Variants in TNPO3 observed in about 807,000 individuals in gnomAD.
The protein encoded by TNPO3 is transportin-3.
TNPO3 carries 65 observed loss-of-function variants against 122.8 expected under a neutral mutation model. The ratio of observed to expected loss-of-function variants is 0.53; its 90% CI spans 0.43 to 0.65. The LOEUF (loss-of-function observed/expected upper bound fraction) is 0.65, where lower values mean the gene tolerates loss of function less well. TNPO3 is among the 30% of genes least tolerant of loss of function. The probability of loss-of-function intolerance (pLI) is 0.00; values close to 1 mark genes in which losing one functional copy is unlikely to be tolerated. For missense variants in TNPO3, 850 were observed against 1,136.7 expected (o/e 0.75, Z 3.63); for synonymous variants, 372 against 411.2 (o/e 0.90, Z 1.15).
intron 1 of TNPO3, chr7:129,041,487 A>C: frequency 1.1e-6 from 1 of 945,702 alleles, no homozygotes; most frequent in Non-Finnish European, 1.3e-6. Context: ...AACAGCAGAA[A>C]AAAGGAAGGG....
intron 1 of TNPO3, among the ~76,000 whole-genome samples, chr7:129,028,196 C>T (rs4731540): frequency 0.64 from 96,777 of 151,980 alleles, 31,138 homozygotes; most frequent in Middle Eastern, 0.7. Flanking sequence ...AAGTTATACA[C>T]TTGTATTGTG....
intron 22 of TNPO3, 112 bp downstream of exon 22, chr7:128,957,112 T>G: frequency 2.2e-6 from 2 of 916,740 alleles, no homozygotes; most frequent in Non-Finnish European, 3.5e-6. Context: ...AGTCCTTCCC[T>G]GACTCTAGCT....
intron 1 of TNPO3, among the ~76,000 whole-genome samples, chr7:129,024,362 T>G (rs1177582910): frequency 6.6e-6 from 1 of 151,984 alleles, no homozygotes; most frequent in Non-Finnish European, 1.5e-5. Flanking sequence ...AACCACCAAA[T>G]GGATGAAAAC....
chr7:128,965,913 C>T (rs4731535), intron 21 of TNPO3, among the ~76,000 whole-genome samples: 73,762 of 151,816 alleles, frequency 0.49, 18,118 homozygotes, highest in African/African-American at 0.5. Context: ...AGTTAATTGC[C>T]AGGAGATGGG....
intron 1 of TNPO3, among the ~76,000 whole-genome samples, chr7:129,052,556 A>G (rs916865322): frequency 6.6e-6 from 1 of 152,242 alleles, no homozygotes; most frequent in South Asian, 2.1e-4. Flanking sequence ...AGATGATGTA[A>G]GGTTGTAATA....
At chr7:129,000,977 A>G (rs1801881390) in intron 6 of TNPO3, 82 bp downstream of exon 6, 1 of 1,456,292 alleles carries the variant, frequency 6.9e-7, no homozygotes, top group African/African-American at 1.4e-5. Flanking sequence ...ATCACAAATG[A>G]CAGACGAATA....
At position 128,955,229 on chromosome 7, in the gene TNPO3, G is replaced by A; in HGVS notation, c.*188C>T. 2.4e-6 allele frequency: 1 copy of A among 419,164 alleles called. No individual in the cohort carries two copies. Among genetic ancestry groups the A allele is most frequent in the Non-Finnish European group, 4.7e-6 (1 of 214,700 alleles). 26.0% of individuals were successfully genotyped at this position (419,164 alleles called of 1,614,324 possible). A position where few individuals can be genotyped will look rare whatever the true frequency, so the allele number is the denominator to read the frequency against. On this transcript the variant is annotated 3_prime_UTR_variant, in exon 23 of 23. Transcript: ENST00000265388. ...GATTTTCCCTCACACCCCCAAACAG[G>A]AACTCCTCAGGATGGCCTCAGAAGG...
At chr7:129,042,695 T>C (rs1807531867) in intron 1 of TNPO3, among the ~76,000 whole-genome samples, 1 of 152,060 alleles carries the variant, frequency 6.6e-6, no homozygotes, top group Non-Finnish European at 1.5e-5. Context: ...TTTGAAAGGA[T>C]ACTAATTAAG....
intron 1 of TNPO3, among the ~76,000 whole-genome samples, chr7:129,053,494 CAAAA>C (rs752196402): frequency 1.0e-4 from 6 of 59,490 alleles, no homozygotes; most frequent in Admixed American, 1.9e-4. Context: ...GACTCTGTCT[CAAAA>C]AAAAAAAAAA....
intron 1 of TNPO3, among the ~76,000 whole-genome samples, chr7:129,028,518 A>G (rs1287799367): frequency 6.6e-6 from 1 of 152,246 alleles, no homozygotes; most frequent in Non-Finnish European, 1.5e-5. Context: ...TTTAGGGCAA[A>G]GATTAACAAA....
In TNPO3 at chr7:128,986,883, T is replaced by C; in HGVS notation, c.1536A>G (p.Glu512=). 1 of 1,613,498 alleles carries C rather than the reference T, an allele frequency of 6.2e-7. No homozygotes were observed. The highest frequency in any genetic ancestry group is 8.5e-7 in the Non-Finnish European group (1 of 1,179,844). ...TGGCTGCAGCAGAAGCCAGGGGCTTTTCACACAGGCCTTTCATCAAATAGC... is the reference window on the plus strand; with the variant it reads ...TGGCTGCAGCAGAAGCCAGGGGCTTCTCACACAGGCCTTTCATCAAATAGC... ...VLGYLMKGLC[E]KPLASAAAKA... The change falls in exon 12 of 23, where the codon GAA becomes GAG. Residue 512 remains glutamate (E), a synonymous_variant. Transcript: ENST00000265388.
Position 129,018,012 on chromosome 7 carries a change from G to A in TNPO3, c.266C>T (p.Ser89Leu). The change falls in exon 2 of 23, where the codon TCA becomes TTA. Residue 89 changes from serine (S) to leucine (L), a missense_variant. By Grantham distance (145) the Ser-to-Leu change is moderately radical. Transcript: ENST00000265388. ...PTDSHASLRD[S>L]LLTHIQNLKD... is the part of the protein sequence containing the mutation. ...CAAGTTCTGGATATGGGTTAGCAAT[G>A]AGTCCCGTAAAGAGGCATGAGAGTC... 6.2e-7 allele frequency: 1 copy of A among 1,614,140 alleles called. No homozygotes were observed. Among genetic ancestry groups the A allele is most frequent in the Non-Finnish European group, 8.5e-7 (1 of 1,180,018 alleles).
intron 20 of TNPO3, among the ~76,000 whole-genome samples, chr7:128,967,774 T>C (rs577733262): frequency 1.2e-4 from 19 of 152,226 alleles, no homozygotes; most frequent in Admixed American, 2.6e-4. Flanking sequence ...ACTCGCTCTC[T>C]CTTTTTTGAG....
At position 129,018,024 on chromosome 7, in the gene TNPO3, G is replaced by T; in HGVS notation, c.254C>A (p.Ser85Tyr). 6.2e-7 allele frequency: 1 copy of T among 1,614,166 alleles called. No individual in the cohort carries two copies. The highest frequency in any genetic ancestry group is 8.5e-7 in the Non-Finnish European group (1 of 1,180,022). ...FYELPTDSHA[S>Y]LRDSLLTHIQ... ...ATGGGTTAGCAATGAGTCCCGTAAA[G>T]AGGCATGAGAGTCTGTGGGGAGCTC... Residue 85 changes from serine to tyrosine, a missense_variant, in exon 2 of 23, where the codon TCT becomes TAT. Ser to Tyr is a moderately radical substitution (Grantham distance 144). Coordinates refer to ENST00000265388, the MANE Select transcript of TNPO3 (RefSeq NM_012470.4).
chr7:129,052,751 T>C (rs1414757354), intron 1 of TNPO3, among the ~76,000 whole-genome samples: 3 of 152,380 alleles, frequency 2.0e-5, no homozygotes, highest in Non-Finnish European at 2.9e-5. Context: ...ACACCCAGCA[T>C]AGTTGCTGGC....
At chr7:128,982,456 C>T (rs565476365) in intron 13 of TNPO3, 132 bp from the exon 14 acceptor site, 5 of 671,830 alleles carry the variant, frequency 7.4e-6, no homozygotes, top group African/African-American at 7.3e-5. Flanking sequence ...TATATAAACT[C>T]CTAAAAGTTA....
chr7:128,976,013 A>C lies in TNPO3; in HGVS notation c.2062-78T>G, dbSNP rs1002773767. On this transcript the variant is annotated intron_variant, in intron 16 of 22. Coordinates refer to ENST00000265388, the MANE Select transcript of TNPO3 (RefSeq NM_012470.4). ...ACTTACGAAGCTGTCTCCAGGAAGA[A>C]ATTCAGAGATAGATTGGCTTCTTCT... 7.2e-6 allele frequency: 7 copies of C among 976,228 alleles called. No homozygotes were observed. The African/African-American group carries it at 1.1e-4, about 16-fold the overall frequency. 60.5% of individuals were successfully genotyped at this position (976,228 alleles called of 1,614,324 possible).
At position 129,054,863 on chromosome 7, in the gene TNPO3, C is replaced by G. The variant is rs910062288; in HGVS notation, c.-93G>C. On this transcript the variant is annotated 5_prime_UTR_variant, in exon 1 of 23. Transcript: ENST00000265388. Reference sequence around the variant, plus strand: ...CTTCGCGCTTCCTCACTGTCTGGGCCACGGCCGCTCCCTGACTGGCGCCAT... The same window carrying G: ...CTTCGCGCTTCCTCACTGTCTGGGCGACGGCCGCTCCCTGACTGGCGCCAT... 1 of 1,557,404 alleles carries G rather than the reference C, an allele frequency of 6.4e-7. No individual in the cohort carries two copies. Among genetic ancestry groups the G allele is most frequent in the Non-Finnish European group, 8.8e-7 (1 of 1,141,992 alleles).
chr7:128,987,138 C>T (rs1218719701), intron 11 of TNPO3, among the ~76,000 whole-genome samples: 1 of 152,184 alleles, frequency 6.6e-6, no homozygotes, highest in African/African-American at 2.4e-5. Context: ...ATTTCATCTT[C>T]CATTTCTTCC....
Sources: gnomAD v4.1 joint callset for allele counts (sites outside exome capture counted in the v4.1 genomes callset) on GRCh38, gnomAD v4.1.1 for gene constraint, MANE v1.5 for transcripts, NCBI Gene and HGNC (gene_info 2026-07-23, HGNC 2026-07-21) for gene names.